Variants in SLFN12L observed in about 807,000 individuals in gnomAD.
SLFN12L encodes schlafen family member 12 like, also known as schlafen family member 12-like.
A neutral mutation model predicts 34.8 loss-of-function variants in SLFN12L; 34 were observed. That is an observed-to-expected ratio of 0.98 (90% CI 0.74 to 1.30). The LOEUF is 1.30. SLFN12L is among the 50% of genes most tolerant of loss of function. The pLI is 0.00. For missense variants in SLFN12L, 703 were observed against 696.2 expected, an observed-to-expected ratio of 1.01 and a Z score of -0.11; for synonymous variants, 259 against 247.5, an observed-to-expected ratio of 1.05 and a Z score of -0.44.
At chr17:35,525,802 A>T (rs1001983718) in intron 1 of SLFN12L, among the ~76,000 whole-genome samples, 6 of 152,168 alleles carry the variant, frequency 3.9e-5, no homozygotes, top group Non-Finnish European at 7.4e-5. Context: ...ACCATCAACT[A>T]TGGGCAAAAT....
rs74853753 is a variant in SLFN12L at position 35,480,701 on chromosome 17, T to G, written c.87-506A>C. 3.1e-3 allele frequency among the ~76,000 whole-genome samples: 479 copies of G among 152,240 alleles called. 1 individual carries two copies. The highest frequency in any genetic ancestry group is 5.5e-3 in the Non-Finnish European group (375 of 68,014). ...GGTCCAGCAATAATAATCTTAATTATTTTTTATTCTTATAAGAATGAATTA... is the reference window on the plus strand; with the variant it reads ...GGTCCAGCAATAATAATCTTAATTAGTTTTTATTCTTATAAGAATGAATTA... On this transcript the variant is annotated intron_variant, in intron 2 of 4. Coordinates refer to ENST00000628453, the MANE Select transcript of SLFN12L (RefSeq NM_001363830.2).
chr17:35,510,349 G>A (rs946802298), intron 2 of SLFN12L: 3 of 152,220 alleles, frequency 2.0e-5, no homozygotes, highest in African/African-American at 7.2e-5. Context: ...AGTGGAAACA[G>A]TCCAAATGTC....
intron 2 of SLFN12L, among the ~76,000 whole-genome samples, chr17:35,497,846 A>G (rs181924085): frequency 2.4e-3 from 370 of 152,328 alleles, no homozygotes; most frequent in Non-Finnish European, 4.2e-3. Context: ...TTGTTACTAA[A>G]TAATACTAAA....
chr17:35,490,844 C>T, intron 2 of SLFN12L: 2 of 1,075,234 alleles, frequency 1.9e-6, no homozygotes, highest in Non-Finnish European at 2.9e-6. Flanking sequence ...TTGGCAGGTA[C>T]CCAAGGGCAC....
rs1913753221 is a variant in SLFN12L, at chr17:35,468,637, A to G, written c.*6286T>C. On this transcript the variant is annotated 3_prime_UTR_variant, in exon 5 of 5. Coordinates refer to ENST00000628453, the MANE Select transcript of SLFN12L (RefSeq NM_001363830.2). ...TCTGCTTAGCCTATCATCCTGGCAT[A>G]CTCCTTGCTCTCTGCCAAAACATAC... 6.6e-6 allele frequency among the ~76,000 whole-genome samples: 1 copy of G among 151,878 alleles called. No individual in the cohort carries two copies. The highest frequency in any genetic ancestry group is 6.6e-5 in the Admixed American group (1 of 15,238).
intron 2 of SLFN12L, chr17:35,491,195 A>G (rs1914822909): frequency 3.0e-6 from 3 of 997,098 alleles, no homozygotes; most frequent in Non-Finnish European, 4.5e-6. Context: ...TTTGATGCCT[A>G]TGATTTGGAA....
chr17:35,518,675 G>T (rs1293732620), intron 2 of SLFN12L, among the ~76,000 whole-genome samples: 1 of 151,918 alleles, frequency 6.6e-6, no homozygotes, highest in South Asian at 2.1e-4. Flanking sequence ...TTAGAATGAC[G>T]ATTATTAAAA....
chr17:35,506,838 C>T (rs1172264036), intron 2 of SLFN12L, among the ~76,000 whole-genome samples: 2 of 152,126 alleles, frequency 1.3e-5, no homozygotes, highest in Admixed American at 1.3e-4. Context: ...ACTTCTAGGT[C>T]CTAAAAGCCT....
At chr17:35,535,894 G>A (rs1425496108) in intron 1 of SLFN12L, among the ~76,000 whole-genome samples, 1 of 152,130 alleles carries the variant, frequency 6.6e-6, no homozygotes, top group Non-Finnish European at 1.5e-5. Flanking sequence ...GACCTCAAAT[G>A]ATCCACCTTC....
intron 2 of SLFN12L, among the ~76,000 whole-genome samples, chr17:35,492,310 G>A (rs551809872): frequency 6.6e-6 from 1 of 152,306 alleles, no homozygotes; most frequent in South Asian, 2.1e-4. Flanking sequence ...TGACCCATTG[G>A]AAAGGAGAAC....
intron 2 of SLFN12L, among the ~76,000 whole-genome samples, chr17:35,515,942 A>C (rs758053731): frequency 1.3e-5 from 2 of 151,992 alleles, no homozygotes; most frequent in African/African-American, 4.8e-5. Context: ...GCACCCCGCC[A>C]GTGTTTCTTA....
intron 2 of SLFN12L, among the ~76,000 whole-genome samples, chr17:35,486,150 C>T (rs571880780): frequency 2.0e-5 from 3 of 152,304 alleles, no homozygotes; most frequent in South Asian, 4.1e-4. Context: ...AGTGCTTTTG[C>T]ATTTGTTTGT....
At chr17:35,525,207 T>C (rs1281044556) in intron 1 of SLFN12L, among the ~76,000 whole-genome samples, 1 of 152,010 alleles carries the variant, frequency 6.6e-6, no homozygotes, top group Non-Finnish European at 1.5e-5. Context: ...TATGGGACTA[T>C]GTGAAAAGAC....
chr17:35,514,972 C>T (rs1015482448), intron 2 of SLFN12L: 1 of 461,296 alleles, frequency 2.2e-6, no homozygotes, highest in African/African-American at 2.0e-5. Context: ...AGCTATATCT[C>T]TTCCAGGAAG....
rs34787927 is a variant in SLFN12L, at chr17:35,467,690, C to T, written c.*7233G>A. ...TTATAGATTTTCAATATCAAACCCC[C>T]CCCATCAGGAGGCCACAGCAGGTGT... On this transcript the variant is annotated 3_prime_UTR_variant, in exon 5 of 5. Transcript: ENST00000628453. Among the ~76,000 whole-genome samples, 28,594 of 151,864 alleles carry T rather than the reference C, an allele frequency of 0.19. 2,945 individuals carry two copies. Among genetic ancestry groups the T allele is most frequent in the South Asian group, 0.31 (1,467 of 4,796 alleles).
chr17:35,494,303 C>A (rs1473056846), intron 2 of SLFN12L, among the ~76,000 whole-genome samples: 1 of 151,744 alleles, frequency 6.6e-6, no homozygotes, highest in African/African-American at 2.4e-5. Flanking sequence ...TGTTCTCTAG[C>A]TGTGATCTTA....
intron 2 of SLFN12L, chr17:35,510,254 A>G (rs1451143441): frequency 1.3e-5 from 2 of 152,262 alleles, no homozygotes; most frequent in African/African-American, 4.8e-5. Flanking sequence ...GCTTCTAGAC[A>G]TAAATCCAAG....
intron 2 of SLFN12L, among the ~76,000 whole-genome samples, chr17:35,482,746 G>C (rs1914396356): frequency 6.6e-6 from 1 of 152,184 alleles, no homozygotes; most frequent in Non-Finnish European, 1.5e-5. Flanking sequence ...ATGGCAGTGG[G>C]AGGCAGACAG....
chr17:35,531,678 G>A (rs1047081722), intron 1 of SLFN12L, among the ~76,000 whole-genome samples: 5 of 151,948 alleles, frequency 3.3e-5, no homozygotes, highest in East Asian at 1.9e-4. Context: ...GTGCAGTGGC[G>A]CGATCTCGGT....
Sources: allele counts gnomAD v4.1 joint callset (sites outside exome capture counted in the v4.1 genomes callset), GRCh38; gene constraint gnomAD v4.1.1; transcripts MANE v1.5; gene names NCBI Gene and HGNC (gene_info 2026-07-23, HGNC 2026-07-21).